SLC25A31: variants seen among roughly 807,000 people sequenced by gnomAD.
The protein encoded by SLC25A31 is solute carrier family 25 member 31.
Under a neutral mutation model 36.2 loss-of-function variants are expected in SLC25A31, and 40 were observed. The ratio of observed to expected loss-of-function variants is 1.10; its 90% CI spans 0.86 to 1.44. SLC25A31 has a LOEUF of 1.44. Ranked by LOEUF, SLC25A31 falls within the 40% of genes most tolerant of loss-of-function variation. The pLI, the probability that SLC25A31 is intolerant of heterozygous loss-of-function variation, is 0.00. For missense variants in SLC25A31, 350 were observed against 397.1 expected (o/e 0.88, Z 1.01); for synonymous variants, 143 against 149.7 (o/e 0.96, Z 0.32).
chr4:127,773,821 T>G lies in SLC25A31; in HGVS notation c.*247T>G, dbSNP rs1332401021. The G allele has an allele frequency of 3.3e-6, 1 of 301,590 alleles. No individual in the cohort carries two copies. The highest frequency in any genetic ancestry group is 5.5e-5 in the East Asian group (1 of 18,140). The allele number at this position is 301,590 out of a possible 1,614,324, so 18.7% of individuals were successfully genotyped here. On this transcript the variant is annotated 3_prime_UTR_variant, in exon 6 of 6. Coordinates refer to ENST00000281154, the MANE Select transcript of SLC25A31 (RefSeq NM_031291.4). ...TTTATTATAGGTAGTATATTTTAATTTGTTAGTTTAAAATTCTTTTTATGA... is the reference window on the plus strand; with the variant it reads ...TTTATTATAGGTAGTATATTTTAATGTGTTAGTTTAAAATTCTTTTTATGA...
chr4:127,730,859 T>C (rs1319467353), intron 1 of SLC25A31, 82 bp downstream of exon 1: 4 of 1,313,376 alleles, frequency 3.0e-6, no homozygotes, highest in Non-Finnish European at 4.2e-6. Context: ...GGGAGGGGCA[T>C]GATTGTGGGC....
At chr4:127,769,129 G>A (rs1231723766) in intron 5 of SLC25A31, among the ~76,000 whole-genome samples, 1 of 152,166 alleles carries the variant, frequency 6.6e-6, no homozygotes, top group Non-Finnish European at 1.5e-5. Context: ...TGCTTGGAAG[G>A]TAGAGGGTTA....
intron 5 of SLC25A31, among the ~76,000 whole-genome samples, chr4:127,772,786 CTT>C (rs750539361): frequency 7.6e-6 from 1 of 131,368 alleles, no homozygotes; most frequent in Non-Finnish European, 1.7e-5. Context: ...TTTTTTTTTT[CTT>C]TTTTTTTTTT....
intron 2 of SLC25A31, among the ~76,000 whole-genome samples, chr4:127,745,336 T>A (rs1731806479): frequency 6.6e-6 from 1 of 152,126 alleles, no homozygotes; most frequent in South Asian, 2.1e-4. Flanking sequence ...AATTACTCCC[T>A]TGGTTACAAA....
At chr4:127,752,371 A>G (rs933496120) in intron 2 of SLC25A31, among the ~76,000 whole-genome samples, 1 of 151,910 alleles carries the variant, frequency 6.6e-6, no homozygotes, top group Admixed American at 6.6e-5. Context: ...TTGAACAATG[A>G]GAACACATGG....
intron 1 of SLC25A31, among the ~76,000 whole-genome samples, chr4:127,743,258 G>A (rs1731765091): frequency 1.3e-5 from 2 of 151,612 alleles, no homozygotes; most frequent in South Asian, 4.2e-4. Flanking sequence ...AGCCTCCTGA[G>A]TAGTTGGAAC....
intron 2 of SLC25A31, among the ~76,000 whole-genome samples, chr4:127,757,496 C>T (rs1560637233): frequency 1.3e-5 from 2 of 152,250 alleles, no homozygotes; most frequent in South Asian, 4.2e-4. Flanking sequence ...TATGGTATTC[C>T]GTGGTGTATA....
intron 1 of SLC25A31, among the ~76,000 whole-genome samples, chr4:127,740,055 G>A (rs1037591949): frequency 8.6e-5 from 13 of 151,828 alleles, no homozygotes; most frequent in Non-Finnish European, 1.2e-4. Flanking sequence ...TGAATTCTTA[G>A]TCATTTCTGA....
At chr4:127,763,339 G>T (rs1314439310) in intron 2 of SLC25A31, among the ~76,000 whole-genome samples, 2 of 152,148 alleles carry the variant, frequency 1.3e-5, no homozygotes, top group African/African-American at 4.8e-5. Context: ...ATTGAGAATT[G>T]CAAAGCTGTC....
chr4:127,731,686 A>G (rs1278436001), intron 1 of SLC25A31, among the ~76,000 whole-genome samples: 1 of 152,194 alleles, frequency 6.6e-6, no homozygotes, highest in African/African-American at 2.4e-5. Flanking sequence ...CCCTGTCTCA[A>G]AAAAACAAAC....
intron 5 of SLC25A31, among the ~76,000 whole-genome samples, chr4:127,770,054 T>C (rs1192547531): frequency 1.3e-5 from 2 of 152,212 alleles, no homozygotes; most frequent in African/African-American, 4.8e-5. Context: ...CTCATTTTTA[T>C]TGACTACAAA....
chr4:127,744,108 T>G (rs2148755915), intron 1 of SLC25A31, among the ~76,000 whole-genome samples: 1 of 152,308 alleles, frequency 6.6e-6, no homozygotes, highest in East Asian at 1.9e-4. Flanking sequence ...CGTCAAAGAT[T>G]TCTTCCCATC....
intron 5 of SLC25A31, among the ~76,000 whole-genome samples, chr4:127,769,503 A>G (rs960954660): frequency 7.2e-5 from 11 of 152,208 alleles, no homozygotes; most frequent in Admixed American, 7.2e-4. Flanking sequence ...TACAAAGCAA[A>G]TATTTCAAAA....
At chr4:127,748,269 A>T (rs1731860319) in intron 2 of SLC25A31, among the ~76,000 whole-genome samples, 1 of 152,186 alleles carries the variant, frequency 6.6e-6, no homozygotes, top group South Asian at 2.1e-4. Flanking sequence ...AGTCCTATAA[A>T]TCGGCTCCTG....
chr4:127,769,970 T>C (rs1732321987), intron 5 of SLC25A31, among the ~76,000 whole-genome samples: 1 of 152,244 alleles, frequency 6.6e-6, no homozygotes, highest in Admixed American at 6.5e-5. Flanking sequence ...TTATATGCTT[T>C]ATACTGTCCT....
chr4:127,755,186 T>C (rs1363439497), intron 2 of SLC25A31, among the ~76,000 whole-genome samples: 1 of 152,056 alleles, frequency 6.6e-6, no homozygotes, highest in East Asian at 1.9e-4. Flanking sequence ...ACATAAAACA[T>C]TGGGGAAAAA....
In SLC25A31 at chr4:127,744,672, GT is replaced by G; in HGVS notation, c.236del (p.Phe79SerfsTer21). 5.0e-6 allele frequency: 8 copies of G among 1,591,698 alleles called. No individual in the cohort carries two copies. Among genetic ancestry groups the G allele is most frequent in the African/African-American group, 1.4e-5 (1 of 73,882 alleles). The part of the protein sequence containing the change: ...DCLVRIPREQ[G>X]FFSFWRGNLA... ...TGTATTTATATGTTTCCCTCTGTAGGTTTCTTCAGTTTTTGGCGTGGCAATT... is the reference window on the plus strand; with the variant it reads ...TGTATTTATATGTTTCCCTCTGTAGGTTCTTCAGTTTTTGGCGTGGCAATT... On this transcript the variant is annotated frameshift_variant and splice_region_variant, in exon 2 of 6. Transcript: ENST00000281154. LOFTEE classifies it high-confidence loss of function.
Position 127,767,265 on chromosome 4 carries a change from CATTT to C in SLC25A31, c.633+51_633+54del, listed in dbSNP as rs748126209. 7.3e-6 allele frequency: 10 copies of C among 1,373,036 alleles called. No individual in the cohort carries two copies. The Admixed American group carries it at 1.6e-4, about 22-fold the overall frequency. 85.1% of individuals were successfully genotyped at this position (1,373,036 alleles called of 1,614,324 possible). ...TTGGACATATTAAATATATGGTTTC[CATTT>C]ATTTAATTAGTAATGTTTTCAGCAG... On this transcript the variant is annotated intron_variant, in intron 4 of 5. Coordinates refer to ENST00000281154, the MANE Select transcript of SLC25A31 (RefSeq NM_031291.4).
At chr4:127,736,141 G>A (rs562687017) in intron 1 of SLC25A31, among the ~76,000 whole-genome samples, 8 of 151,804 alleles carry the variant, frequency 5.3e-5, no homozygotes, top group African/African-American at 1.7e-4. Flanking sequence ...CGCCCGCCTC[G>A]GCCTCCCAAA....
Sources: allele counts gnomAD v4.1 joint callset (sites outside exome capture counted in the v4.1 genomes callset), GRCh38; gene constraint gnomAD v4.1.1; transcripts MANE v1.5; gene names NCBI Gene and HGNC (gene_info 2026-07-23, HGNC 2026-07-21).